Variants in LARGE1 observed in about 807,000 individuals in gnomAD.
LARGE1 encodes the protein xylosyl- and glucuronyltransferase LARGE1.
A neutral mutation model predicts 87.6 loss-of-function variants in LARGE1; 43 were observed. That is an observed-to-expected ratio of 0.49 (90% CI 0.38 to 0.63). The LOEUF is 0.63. Ranked by LOEUF, LARGE1 falls within the 30% of genes least tolerant of loss-of-function variation. The pLI is 0.00. For missense variants in LARGE1, 802 were observed against 1,000.2 expected (o/e 0.80, Z 2.67); for synonymous variants, 434 against 394.6 (o/e 1.10, Z -1.18).
Position 33,719,665 on chromosome 22 carries a change from T to C in LARGE1, c.106+41706A>G, listed in dbSNP as rs190312622. Among the ~76,000 whole-genome samples, 27 of 152,040 alleles carry C rather than the reference T, an allele frequency of 1.8e-4. 1 individual carries two copies. In the East Asian group the frequency reaches 3.9e-3, roughly 22 times the overall value. On this transcript the variant is annotated intron_variant, in intron 2 of 14. Coordinates refer to ENST00000397394, the MANE Select transcript of LARGE1 (RefSeq NM_133642.5). ...CCTCCTGAGTAGCTGGGACTACAGGTGCCCACCACAACGCCTGGCTAATTT... is the reference window on the plus strand; with the variant it reads ...CCTCCTGAGTAGCTGGGACTACAGGCGCCCACCACAACGCCTGGCTAATTT...
intron 2 of LARGE1, among the ~76,000 whole-genome samples, chr22:33,760,456 C>CTGACAGCTCCAACAAACCTCTCCCA (rs1490826291): frequency 6.6e-6 from 1 of 152,160 alleles, no homozygotes; most frequent in Non-Finnish European, 1.5e-5. Context: ...CAGCCCAGGT[C>CTGACAGCTCCAACAAACCTCTCCCA]TGACAGCTCC....
intron 13 of LARGE1, among the ~76,000 whole-genome samples, chr22:33,281,532 C>A (rs74510965): frequency 0.039 from 5,904 of 152,200 alleles, 367 homozygotes; most frequent in African/African-American, 0.13. Context: ...CTTCTCAGAG[C>A]CTCAGTTTCA....
chr22:33,610,769 C>T (rs1182476756), intron 4 of LARGE1, among the ~76,000 whole-genome samples: 1 of 152,064 alleles, frequency 6.6e-6, no homozygotes, highest in South Asian at 2.1e-4. Flanking sequence ...CCAGGCTGCC[C>T]CTCCCATTAC....
intron 7 of LARGE1, among the ~76,000 whole-genome samples, chr22:33,401,384 C>T (rs147313670): frequency 1.3e-5 from 2 of 152,086 alleles, no homozygotes; most frequent in African/African-American, 4.8e-5. Flanking sequence ...CACGCTGTCT[C>T]GTCCTTCTTG....
At chr22:33,835,363 G>A (rs934234556) in intron 1 of LARGE1, among the ~76,000 whole-genome samples, 4 of 152,140 alleles carry the variant, frequency 2.6e-5, no homozygotes, top group African/African-American at 9.7e-5. Context: ...GTCTCAGCAG[G>A]GATTAACTGC....
chr22:33,788,267 C>T (rs1028322112), intron 1 of LARGE1, among the ~76,000 whole-genome samples: 3 of 152,196 alleles, frequency 2.0e-5, no homozygotes, highest in Non-Finnish European at 4.4e-5. Context: ...GCTTTCTTGC[C>T]TGCTGCCATG....
At chr22:33,649,473 A>G (rs548372925) in intron 3 of LARGE1, among the ~76,000 whole-genome samples, 23 of 152,298 alleles carry the variant, frequency 1.5e-4, no homozygotes, top group South Asian at 6.2e-4. Flanking sequence ...TTGAAAATGT[A>G]CTATGTACTA....
At chr22:33,129,002 G>A in the LARGE1 span, among the ~76,000 whole-genome samples, 1 of 152,200 alleles carries the variant, frequency 6.6e-6, no homozygotes, top group African/African-American at 2.4e-5. Context: ...TAGCTGATGG[G>A]TTGATAGGTG....
rs71320987 is a variant in LARGE1, at chr22:33,675,292, CAAAAAAAAAAAA to C, written c.107-24636_107-24625del. Among the ~76,000 whole-genome samples, 99 of 32,918 alleles carry C rather than the reference CAAAAAAAAAAAA, an allele frequency of 3.0e-3. 3 individuals are homozygous for C. In the Middle Eastern group the frequency reaches 0.18, roughly 59 times the overall value. The allele number at this position is 32,918 out of a possible 152,430, so 21.6% of individuals were successfully genotyped here. A position where few individuals can be genotyped will look rare whatever the true frequency, so the allele number is the denominator to read the frequency against. ...CTGGGCAACAAGAGCGAAACTCCAT[CAAAAAAAAAAAA>C]AAAAAAAAAAAAAAGAACACAAGAG... On this transcript the variant is annotated intron_variant, in intron 2 of 14. Transcript: ENST00000397394.
chr22:33,483,533 C>T (rs895864079), intron 6 of LARGE1, among the ~76,000 whole-genome samples: 1 of 152,006 alleles, frequency 6.6e-6, no homozygotes, highest in African/African-American at 2.4e-5. Context: ...AGTGAAGAGG[C>T]AGGTTAAAGA....
At chr22:33,330,084 T>C (rs1601471158) in intron 10 of LARGE1, among the ~76,000 whole-genome samples, 1 of 152,034 alleles carries the variant, frequency 6.6e-6, no homozygotes, top group African/African-American at 2.4e-5. Flanking sequence ...GAAGGGAATA[T>C]TTCAGCCCAA....
At chr22:33,203,319 C>A (rs946083697) in intron 11 of LARGE1, among the ~76,000 whole-genome samples, 5 of 152,172 alleles carry the variant, frequency 3.3e-5, no homozygotes, top group Admixed American at 6.5e-5. Flanking sequence ...GCAAGACAGC[C>A]TCGTGCAGGA....
At chr22:33,803,180 T>C (rs183145404) in intron 1 of LARGE1, among the ~76,000 whole-genome samples, 17 of 152,340 alleles carry the variant, frequency 1.1e-4, no homozygotes, top group Admixed American at 8.5e-4. Context: ...TATTACATTA[T>C]GGAATTGGTA....
chr22:33,178,061 A>T (rs993310715), intron 11 of LARGE1, among the ~76,000 whole-genome samples: 3 of 152,194 alleles, frequency 2.0e-5, no homozygotes, highest in African/African-American at 7.2e-5. Flanking sequence ...ACTGTGAGTC[A>T]TTTAAACCTC....
intron 11 of LARGE1, among the ~76,000 whole-genome samples, chr22:33,228,340 A>C (rs535622795): frequency 2.0e-5 from 3 of 152,394 alleles, no homozygotes; most frequent in African/African-American, 7.2e-5. Context: ...GTGCATCCTT[A>C]CACTGACTGC....
chr22:33,204,038 G>A (rs1363731512), intron 11 of LARGE1, among the ~76,000 whole-genome samples: 2 of 152,144 alleles, frequency 1.3e-5, no homozygotes, highest in African/African-American at 2.4e-5. Flanking sequence ...ATCTTTGGGA[G>A]AGCAAATGAA....
intron 7 of LARGE1, among the ~76,000 whole-genome samples, chr22:33,416,707 G>A (rs950093119): frequency 2.0e-5 from 3 of 151,898 alleles, no homozygotes; most frequent in African/African-American, 4.8e-5. Flanking sequence ...GGGTTCAGGC[G>A]ATTTTCTTAC....
chr22:33,837,191 G>A (rs192637331), intron 1 of LARGE1, among the ~76,000 whole-genome samples: 32 of 151,148 alleles, frequency 2.1e-4, no homozygotes, highest in African/African-American at 7.6e-4. Flanking sequence ...TTAATTTATG[G>A]GCAGTGAAAT....
chr22:33,722,146 G>A (rs1372256096), intron 2 of LARGE1, among the ~76,000 whole-genome samples: 1 of 151,938 alleles, frequency 6.6e-6, no homozygotes, highest in Non-Finnish European at 1.5e-5. Flanking sequence ...TCAGCTACTC[G>A]GGACTCTGAG....
Sources: gnomAD v4.1 joint callset for allele counts (sites outside exome capture counted in the v4.1 genomes callset) on GRCh38, gnomAD v4.1.1 for gene constraint, MANE v1.5 for transcripts, NCBI Gene and HGNC (gene_info 2026-07-23, HGNC 2026-07-21) for gene names.